Variants in PLD5 observed in about 807,000 individuals in gnomAD.
The protein encoded by PLD5 is phospholipase D family member 5, also known as inactive phospholipase D5.
Under a neutral mutation model 61.1 loss-of-function variants are expected in PLD5, and 36 were observed. The observed-to-expected ratio is 0.59, with a 90% CI of 0.45 to 0.78. The LOEUF is 0.78. Among genes scored for constraint, PLD5 ranks in the 30% least tolerant of loss-of-function variants. PLD5 has a pLI of 0.00. For missense variants in PLD5, 515 were observed against 644.4 expected, an observed-to-expected ratio of 0.80 and a Z score of 2.17; for synonymous variants, 243 against 242.8, an observed-to-expected ratio of 1.00 and a Z score of -0.01.
rs1246961982 is a variant in PLD5, at chr1:242,089,356, A to C, written c.*498T>G. ...TTTTTCAAGGGTGTTGAAGGCTGGC[A>C]TGAGATGTAAGCTATTCATGCTTAG... On this transcript the variant is annotated 3_prime_UTR_variant, in exon 10 of 10. Transcript: ENST00000536534. The C allele has an allele frequency of 5.0e-6, 2 of 401,482 alleles. No homozygotes were observed. Among genetic ancestry groups the C allele is most frequent in the African/African-American group, 4.1e-5 (2 of 48,654 alleles). 24.9% of individuals were successfully genotyped at this position (401,482 alleles called of 1,614,324 possible).
rs936140871 is a variant in PLD5 at position 242,372,190 on chromosome 1, A to C, written c.190-23948T>G. Among the ~76,000 whole-genome samples the C allele has an allele frequency of 2.0e-5, 3 of 152,024 alleles. No individual in the cohort carries two copies. The East Asian group carries it at 5.8e-4, about 29-fold the overall frequency. The stretch of plus-strand genomic sequence containing the variant: ...TTCTCTTCATCATTATTATTTTTTA[A>C]ATTTATCTGTTTTTTCAAAGACTCA... On this transcript the variant is annotated intron_variant, in intron 1 of 9. Transcript: ENST00000536534.
At chr1:242,519,643 C>A (rs891931035) in intron 1 of PLD5, among the ~76,000 whole-genome samples, 29 of 152,224 alleles carry the variant, frequency 1.9e-4, no homozygotes, top group Non-Finnish European at 4.4e-5. Flanking sequence ...AAGAGTTTGT[C>A]TCTGCTAGCA....
chr1:242,308,622 C>A (rs368706411), intron 2 of PLD5, among the ~76,000 whole-genome samples: 5 of 151,734 alleles, frequency 3.3e-5, no homozygotes, highest in African/African-American at 1.2e-4. Flanking sequence ...AATGAAACCA[C>A]AGTTAAATGT....
intron 5 of PLD5, among the ~76,000 whole-genome samples, chr1:242,150,775 T>A (rs756379519): frequency 6.6e-6 from 1 of 151,850 alleles, no homozygotes; most frequent in Admixed American, 6.6e-5. Context: ...TTTATGTATG[T>A]TTACACCAAT....
chr1:242,171,659 A>G (rs1160499577), intron 5 of PLD5, among the ~76,000 whole-genome samples: 1 of 152,124 alleles, frequency 6.6e-6, no homozygotes, highest in Admixed American at 6.6e-5. Flanking sequence ...CTCACATGGA[A>G]AAAACCACAT....
At chr1:242,362,256 A>G (rs994071102) in intron 1 of PLD5, among the ~76,000 whole-genome samples, 1 of 152,152 alleles carries the variant, frequency 6.6e-6, no homozygotes, top group Non-Finnish European at 1.5e-5. Flanking sequence ...CTGGGACTCA[A>G]AGACATTTGG....
rs1205043795 is a variant in PLD5 at position 242,256,044 on chromosome 1, C to T, written c.607+9293G>A. ...TAGGTCCCTGTGGCTATTGGTTATTCACTAATATGGGTAAGGCTCTGTCTA... is the reference window on the plus strand; with the variant it reads ...TAGGTCCCTGTGGCTATTGGTTATTTACTAATATGGGTAAGGCTCTGTCTA... On this transcript the variant is annotated intron_variant, in intron 4 of 9. Coordinates refer to ENST00000536534, the MANE Select transcript of PLD5 (RefSeq NM_001372062.1). The surrounding 1 kb of genome is among the most constrained non-coding windows in gnomAD (Gnocchi z 5.7). 6.6e-6 allele frequency among the ~76,000 whole-genome samples: 1 copy of T among 152,144 alleles called. No homozygotes were observed. Among genetic ancestry groups the T allele is most frequent in the East Asian group, 1.9e-4 (1 of 5,186 alleles).
chr1:242,397,871 G>GA (rs1203782323), intron 1 of PLD5, among the ~76,000 whole-genome samples: 3 of 150,882 alleles, frequency 2.0e-5, no homozygotes, highest in African/African-American at 7.3e-5. Context: ...TAAAAAGGGA[G>GA]AAACACATTG....
intron 2 of PLD5, among the ~76,000 whole-genome samples, chr1:242,297,058 C>T (rs529675268): frequency 2.3e-3 from 354 of 152,168 alleles, no homozygotes; most frequent in African/African-American, 7.9e-3. Flanking sequence ...AGAAAAACTT[C>T]CCCCTGGCTG....
chr1:242,394,398 AT>A (rs1663250045), intron 1 of PLD5, among the ~76,000 whole-genome samples: 1 of 102,232 alleles, frequency 9.8e-6, no homozygotes, highest in Non-Finnish European at 1.9e-5. Context: ...ATGAGTATAT[AT>A]GTGTGTATAT....
At chr1:242,515,827 A>G (rs1229115890) in intron 1 of PLD5, among the ~76,000 whole-genome samples, 4 of 152,224 alleles carry the variant, frequency 2.6e-5, no homozygotes, top group Non-Finnish European at 4.4e-5. Flanking sequence ...TTTAAATTTT[A>G]TAGGTCAAAA....
intron 1 of PLD5, among the ~76,000 whole-genome samples, chr1:242,479,958 TG>T (rs1667717037): frequency 6.7e-6 from 1 of 150,002 alleles, no homozygotes; most frequent in African/African-American, 2.5e-5. Flanking sequence ...GGCTGAGGCA[TG>T]GGAATCACTT....
intron 5 of PLD5, chr1:242,210,799 C>T (rs1669763708): frequency 6.6e-6 from 1 of 152,230 alleles, no homozygotes; most frequent in South Asian, 2.1e-4. Flanking sequence ...CTGCCTGCAT[C>T]CAGGTGATTA....
intron 5 of PLD5, among the ~76,000 whole-genome samples, chr1:242,159,402 C>G (rs577830877): frequency 8.5e-5 from 13 of 152,098 alleles, no homozygotes; most frequent in Non-Finnish European, 1.9e-4. Context: ...CAGGTTAGGT[C>G]TCTCCTTTGC....
At chr1:242,393,704 G>GTGTATATATA in intron 1 of PLD5, among the ~76,000 whole-genome samples, 1 of 99,582 alleles carries the variant, frequency 1.0e-5, no homozygotes, top group Non-Finnish European at 2.2e-5. Context: ...GAGTATATAT[G>GTGTATATATA]TGTGTATATA....
chr1:242,522,481 G>C (rs1669310389), intron 1 of PLD5, among the ~76,000 whole-genome samples: 1 of 152,218 alleles, frequency 6.6e-6, no homozygotes. Context: ...CATAGTCATA[G>C]AAGGCTGCAC....
Position 242,089,255 on chromosome 1 carries a change from C to T in PLD5, c.*599G>A, listed in dbSNP as rs1188449367. On this transcript the variant is annotated 3_prime_UTR_variant, in exon 10 of 10. Transcript: ENST00000536534. Reference sequence around the variant, plus strand: ...TACAGAAAATGCTATATAATAGGAACATTTTGTGAGAAGAGAAAATGATAC... The same window carrying T: ...TACAGAAAATGCTATATAATAGGAATATTTTGTGAGAAGAGAAAATGATAC... The T allele has an allele frequency of 1.0e-5, 4 of 398,582 alleles. No homozygotes were observed. Among genetic ancestry groups the T allele is most frequent in the Non-Finnish European group, 1.3e-5 (3 of 226,294 alleles). 24.7% of individuals were successfully genotyped at this position (398,582 alleles called of 1,614,324 possible).
intron 1 of PLD5, among the ~76,000 whole-genome samples, chr1:242,435,284 G>A (rs1665935602): frequency 1.3e-5 from 2 of 151,938 alleles, no homozygotes; most frequent in East Asian, 3.9e-4. Context: ...TGAGTCCCTA[G>A]TGCATGCGCT....
At chr1:242,138,505 A>G (rs1399430639) in intron 5 of PLD5, among the ~76,000 whole-genome samples, 2 of 152,198 alleles carry the variant, frequency 1.3e-5, no homozygotes, top group Admixed American at 1.3e-4. Flanking sequence ...AAGAAAATAT[A>G]TGATACAAAA....
Sources: allele counts gnomAD v4.1 joint callset (sites outside exome capture counted in the v4.1 genomes callset), GRCh38; gene constraint gnomAD v4.1.1; non-coding constraint Gnocchi (gnomAD v3.1); transcripts MANE v1.5; gene names NCBI Gene and HGNC (gene_info 2026-07-23, HGNC 2026-07-21).